The following NLE1 variants were observed in gnomAD, a reference collection of about 807,000 sequenced individuals.
NLE1 encodes the protein notchless homolog 1, also known as notchless protein homolog 1.
In NLE1, 37 loss-of-function variants were observed where a neutral mutation model predicts 62.8. The ratio of observed to expected loss-of-function variants is 0.59; its 90% CI spans 0.45 to 0.78. NLE1 has a LOEUF of 0.78. NLE1 is among the 30% of genes least tolerant of loss of function. NLE1 has a pLI of 0.00. For missense variants in NLE1, 555 were observed against 637.9 expected (o/e 0.87, Z 1.40); for synonymous variants, 243 against 253.0 (o/e 0.96, Z 0.37).
chr17:35,135,181 TA>T, intron 10 of NLE1, 67 bp downstream of exon 10: 1 of 1,456,650 alleles, frequency 6.9e-7, no homozygotes, highest in Non-Finnish European at 9.6e-7. Context: ...ATACAGCTAG[TA>T]AGTGGCAGTG....
At position 35,142,271 on chromosome 17, in the gene NLE1, G is replaced by T; in HGVS notation, c.5C>A (p.Ala2Glu). ...ACGCACACCCACCGGCACTGCTGCC[G>T]CCATCCTGCGTCCCCACGTGGAGGA... M[A>E]AAVPDEAVAR... The change falls in exon 1 of 13, where the codon GCG (alanine) becomes GAG (glutamate). Residue 2 changes from alanine (A) to glutamate (E), a missense_variant. Transcript: ENST00000442241. The T allele has an allele frequency of 6.5e-7, 1 of 1,542,218 alleles. No homozygotes were observed. Among genetic ancestry groups the T allele is most frequent in the African/African-American group, 1.4e-5 (1 of 72,972 alleles).
Position 35,130,095 on chromosome 17 carries a change from C to A in NLE1, c.*2342G>T. ...AGACAGCCCTTTGGTTGGAAATATC[C>A]CATAATGAGGAGGTACAGGCTTGAG... On this transcript the variant is annotated 3_prime_UTR_variant, in exon 13 of 13. Transcript: ENST00000442241. 7.0e-7 allele frequency: 1 copy of A among 1,425,402 alleles called. No homozygotes were observed. Among genetic ancestry groups the A allele is most frequent in the Non-Finnish European group, 9.1e-7 (1 of 1,095,048 alleles). 88.3% of individuals were successfully genotyped at this position (1,425,402 alleles called of 1,614,324 possible).
chr17:35,138,312 G>A (rs1003098483), intron 4 of NLE1, among the ~76,000 whole-genome samples: 3 of 152,202 alleles, frequency 2.0e-5, no homozygotes, highest in South Asian at 2.1e-4. Context: ...AAGTGTGGTC[G>A]TCAGAGCAGC....
rs1483683811 is a variant in NLE1, at chr17:35,131,181, GCAGA to G, written c.*1252_*1255del. ...AGGCCTGGTGCAGTCTGAGAGCACA[GCAGA>G]CAAACAGCTGGCACCAAGGAGCTCA... On this transcript the variant is annotated 3_prime_UTR_variant, in exon 13 of 13. Coordinates refer to ENST00000442241, the MANE Select transcript of NLE1 (RefSeq NM_018096.5). 2 of 152,282 alleles carry G rather than the reference GCAGA, an allele frequency of 1.3e-5. No homozygotes were observed. The highest frequency in any genetic ancestry group is 2.9e-5 in the Non-Finnish European group (2 of 68,090). The allele number at this position is 152,282 out of a possible 1,614,324, so 9.4% of individuals were successfully genotyped here. A position where few individuals can be genotyped will look rare whatever the true frequency, so the allele number is the denominator to read the frequency against.
chr17:35,130,507 G>A lies in NLE1; in HGVS notation c.*1930C>T. ...AGGCCCTCAGAAACCAGAGCCATGA[G>A]ACCTACCATACCACCAGCACCCTGC... On this transcript the variant is annotated 3_prime_UTR_variant, in exon 13 of 13. Coordinates refer to ENST00000442241, the MANE Select transcript of NLE1 (RefSeq NM_018096.5). 1 of 1,493,098 alleles carries A rather than the reference G, an allele frequency of 6.7e-7. No homozygotes were observed. Among genetic ancestry groups the A allele is most frequent in the South Asian group, 1.2e-5 (1 of 82,448 alleles). 92.5% of individuals were successfully genotyped at this position (1,493,098 alleles called of 1,614,324 possible). A position where few individuals can be genotyped will look rare whatever the true frequency, so the allele number is the denominator to read the frequency against.
In NLE1 at chr17:35,129,231, AGAG is replaced by A; in HGVS notation, c.*3203_*3205del. The stretch of plus-strand genomic sequence containing the variant: ...CCTAAAGTGGGTGGGGCTGCCCAGG[AGAG>A]TAGTACATGCTTCGGGGCAGGGGTT... On this transcript the variant is annotated 3_prime_UTR_variant, in exon 13 of 13. Coordinates refer to ENST00000442241, the MANE Select transcript of NLE1 (RefSeq NM_018096.5). 1 of 698,806 alleles carries A rather than the reference AGAG, an allele frequency of 1.4e-6. No individual in the cohort carries two copies. Among genetic ancestry groups the A allele is most frequent in the South Asian group, 1.8e-5 (1 of 55,348 alleles). The allele number at this position is 698,806 out of a possible 1,614,324, so 43.3% of individuals were successfully genotyped here. A position where few individuals can be genotyped will look rare whatever the true frequency, so the allele number is the denominator to read the frequency against.
Position 35,135,281 on chromosome 17 carries a change from C to T in NLE1, c.1182G>A (p.Lys394=). The T allele has an allele frequency of 3.1e-6, 5 of 1,614,186 alleles. No homozygotes were observed. Among genetic ancestry groups the T allele is most frequent in the Non-Finnish European group, 4.2e-6 (5 of 1,180,040 alleles). Residue 394 remains lysine (K), a synonymous_variant, in exon 10 of 13, where the codon AAG becomes AAA. Coordinates refer to ENST00000442241, the MANE Select transcript of NLE1 (RefSeq NM_018096.5). ...TCCTGCCATCCCACAGCTTGATGGA[C>T]TTGTCAAAGGAGGCACTAGCCACGA... is the stretch of plus-strand genomic sequence containing the variant. The part of the protein sequence containing the change: ...SRIVASASFD[K]SIKLWDGRTG...
Position 35,132,350 on chromosome 17 carries a change from C to A in NLE1, c.*87G>T. Reference sequence around the variant, plus strand: ...CCCACTGGTGGGGAGGGTGTGTGCACTGCCATCTCAGCCTTTGTTCTCTGG... The same window carrying A: ...CCCACTGGTGGGGAGGGTGTGTGCAATGCCATCTCAGCCTTTGTTCTCTGG... On this transcript the variant is annotated 3_prime_UTR_variant, in exon 13 of 13. Coordinates refer to ENST00000442241, the MANE Select transcript of NLE1 (RefSeq NM_018096.5). 1 of 1,237,428 alleles carries A rather than the reference C, an allele frequency of 8.1e-7. No individual in the cohort carries two copies. The highest frequency in any genetic ancestry group is 1.1e-6 in the Non-Finnish European group (1 of 925,194). The allele number at this position is 1,237,428 out of a possible 1,614,324, so 76.7% of individuals were successfully genotyped here.
chr17:35,139,160 T>G, intron 4 of NLE1, 75 bp downstream of exon 4: 9 of 1,310,286 alleles, frequency 6.9e-6, no homozygotes, highest in Non-Finnish European at 9.8e-6. Flanking sequence ...ACCACTGTAC[T>G]CCATCCTGGT....
At chr17:35,133,111 C>T (rs1187737915) in intron 12 of NLE1, 60 bp downstream of exon 12, 1 of 1,495,200 alleles carries the variant, frequency 6.7e-7, no homozygotes, top group Middle Eastern at 1.7e-4. Flanking sequence ...AAAGTGTGCA[C>T]AGAAGGACCT....
intron 7 of NLE1, 123 bp from the exon 8 acceptor site, chr17:35,136,620 A>C (rs942893415): frequency 2.4e-6 from 3 of 1,254,224 alleles, no homozygotes; most frequent in Non-Finnish European, 3.3e-6. Flanking sequence ...TCTTAATCAA[A>C]CTACCCCTCT....
rs3744362 is a variant in NLE1, at chr17:35,132,077, C to T, written c.*360G>A. 7.6e-3 allele frequency: 1,448 copies of T among 191,066 alleles called. 52 individuals are homozygous for T. In the East Asian group the frequency reaches 0.098, roughly 13 times the overall value. 11.8% of individuals were successfully genotyped at this position (191,066 alleles called of 1,614,324 possible). A position where few individuals can be genotyped will look rare whatever the true frequency, so the allele number is the denominator to read the frequency against. On this transcript the variant is annotated 3_prime_UTR_variant, in exon 13 of 13. Coordinates refer to ENST00000442241, the MANE Select transcript of NLE1 (RefSeq NM_018096.5). ...AACCCAACACACAAAACTTAAGTTA[C>T]TTATTTGGTCATAGAACCTGGGATC...
rs770729827 is a variant in NLE1, at chr17:35,137,850, A to C, written c.501T>G (p.Asp167Glu). The change falls in exon 5 of 13, where the codon GAT becomes GAG. Residue 167 changes from aspartate (D) to glutamate (E), a missense_variant. Physicochemically the swap from Asp to Glu is conservative, Grantham distance 45 (BLOSUM62 2). Transcript: ENST00000442241. ...TGCAGCCTGAGGCCAGCTTCCTGCC[A>C]TCTGGAGACCAGGATATACTAAGGA... Reference protein sequence around the residue: ...HWVLSISWSPDGRKLASGCKN... With the variant: ...HWVLSISWSPEGRKLASGCKN... 19 of 1,613,558 alleles carry C rather than the reference A, an allele frequency of 1.2e-5. No homozygotes were observed. The South Asian group carries it at 2.0e-4, about 17-fold the overall frequency.
chr17:35,140,160 G>C, intron 2 of NLE1, 94 bp from the exon 3 acceptor site: 3 of 1,438,594 alleles, frequency 2.1e-6, no homozygotes, highest in Non-Finnish European at 2.8e-6. Context: ...GGGAGGTGAA[G>C]CTTCTTCTTT....
At chr17:35,135,180 G>T in intron 10 of NLE1, 69 bp downstream of exon 10, 1 of 1,451,936 alleles carries the variant, frequency 6.9e-7, no homozygotes, top group Non-Finnish European at 9.7e-7. Flanking sequence ...CATACAGCTA[G>T]TAAGTGGCAG....
intron 9 of NLE1, among the ~76,000 whole-genome samples, chr17:35,135,749 G>T (rs1354149230): frequency 6.6e-6 from 1 of 152,202 alleles, no homozygotes; most frequent in South Asian, 2.1e-4. Flanking sequence ...GTATGCATGT[G>T]TGTGTGTGCT....
chr17:35,129,849 C>T lies in NLE1; in HGVS notation c.*2588G>A. The T allele has an allele frequency of 7.0e-7, 1 of 1,425,342 alleles. No individual in the cohort carries two copies. Among genetic ancestry groups the T allele is most frequent in the Non-Finnish European group, 9.1e-7 (1 of 1,094,308 alleles). The allele number at this position is 1,425,342 out of a possible 1,614,324, so 88.3% of individuals were successfully genotyped here. A position where few individuals can be genotyped will look rare whatever the true frequency, so the allele number is the denominator to read the frequency against. On this transcript the variant is annotated 3_prime_UTR_variant, in exon 13 of 13. Transcript: ENST00000442241. Reference sequence around the variant, plus strand: ...GTTTAAGGATTAAGCCACTCTGGGGCCCACTAGGAATGCAAACGAATGTAT... The same window carrying T: ...GTTTAAGGATTAAGCCACTCTGGGGTCCACTAGGAATGCAAACGAATGTAT...
At chr17:35,136,286 G>A (rs1381356828) in intron 8 of NLE1, 71 bp from the exon 9 acceptor site, 1 of 1,611,574 alleles carries the variant, frequency 6.2e-7, no homozygotes, top group East Asian at 2.2e-5. Flanking sequence ...AACACAAAGA[G>A]CAAACACTCC....
At chr17:35,137,957 C>A (rs1488672898) in intron 4 of NLE1, 67 bp from the exon 5 acceptor site, 7 of 1,155,498 alleles carry the variant, frequency 6.1e-6, no homozygotes, top group Non-Finnish European at 8.9e-6. Flanking sequence ...CCAGCAGTGC[C>A]TGTCAGGTGC....
Sources: gnomAD v4.1 joint callset for allele counts (sites outside exome capture counted in the v4.1 genomes callset) on GRCh38, gnomAD v4.1.1 for gene constraint, MANE v1.5 for transcripts, NCBI Gene and HGNC (gene_info 2026-07-23, HGNC 2026-07-21) for gene names.